The following SLC25A48 variants were observed in gnomAD, a reference collection of about 807,000 sequenced individuals.
SLC25A48 encodes solute carrier family 25 member 48, also known as CTC-321K16.1.
Under a neutral mutation model 32.2 loss-of-function variants are expected in SLC25A48, and 29 were observed. That is an observed-to-expected ratio of 0.90 (90% confidence interval 0.67 to 1.23). The LOEUF (loss-of-function observed/expected upper bound fraction) is 1.23. Ranked by LOEUF, SLC25A48 falls within the 50% of genes most tolerant of loss-of-function variation. The pLI is 0.00. For synonymous variants in SLC25A48, 164 were observed against 172.3 expected, an observed-to-expected ratio of 0.95 and a Z score of 0.38; for missense variants, 399 against 422.7, an observed-to-expected ratio of 0.94 and a Z score of 0.49.
intron 6 of SLC25A48, among the ~76,000 whole-genome samples, chr5:135,877,758 T>C (rs1209991624): frequency 6.6e-6 from 1 of 151,904 alleles, no homozygotes. Flanking sequence ...GAGAACAGTG[T>C]GAGGAGTGCT....
chr5:135,855,171 G>A (rs886687985), intron 4 of SLC25A48, among the ~76,000 whole-genome samples: 1 of 152,172 alleles, frequency 6.6e-6, no homozygotes, highest in Non-Finnish European at 1.5e-5. Context: ...AAAATATTGT[G>A]AGAATTATGA....
At chr5:135,881,540 A>T (rs568795910) in intron 7 of SLC25A48, among the ~76,000 whole-genome samples, 1 of 152,250 alleles carries the variant, frequency 6.6e-6, no homozygotes, top group Non-Finnish European at 1.5e-5. Context: ...GGGTAGCAAC[A>T]CAGTTTACAT....
chr5:135,641,513 A>AT (rs1752837217), intron 3 of SLC25A48, among the ~76,000 whole-genome samples: 1 of 170 alleles, frequency 5.9e-3, no homozygotes, highest in African/African-American at 0.028. Context: ...GAAGAACAAC[A>AT]TAGGCTCCCA....
chr5:135,672,832 T>C lies in SLC25A48; in HGVS notation c.-521+37876T>C, dbSNP rs151095729. Among the ~76,000 whole-genome samples the C allele has an allele frequency of 1.6e-4, 24 of 152,280 alleles. No homozygotes were observed. The East Asian group carries it at 4.4e-3, about 28-fold the overall frequency. On this transcript the variant is annotated intron_variant, in intron 3 of 10. Coordinates refer to the SLC25A48 transcript ENST00000646290. ...ACAATCAAGATTATAAATGTATCCA[T>C]CACTCCTAACAGATTGCTCAGGCCC...
chr5:135,868,293 C>A (rs553427663), intron 4 of SLC25A48, among the ~76,000 whole-genome samples: 1 of 152,212 alleles, frequency 6.6e-6, no homozygotes, highest in East Asian at 1.9e-4. Context: ...AACCCCGAAT[C>A]AGGAAAGCTC....
chr5:135,852,850 G>A, intron 4 of SLC25A48, 29 bp downstream of exon 4: 1 of 1,585,166 alleles, frequency 6.3e-7, no homozygotes, highest in Non-Finnish European at 8.6e-7. Context: ...GGAGGCTGGT[G>A]TCTGGGACTT....
At chr5:135,624,603 A>G (rs997303567) in intron 1 of SLC25A48, among the ~76,000 whole-genome samples, 1 of 152,234 alleles carries the variant, frequency 6.6e-6, no homozygotes, top group Admixed American at 6.5e-5. Flanking sequence ...TTGTAAAATG[A>G]ATATGCCTTC....
At chr5:135,689,555 GTAA>G (rs945997847) in intron 3 of SLC25A48, among the ~76,000 whole-genome samples, 12 of 152,188 alleles carry the variant, frequency 7.9e-5, no homozygotes, top group Non-Finnish European at 1.5e-4. Context: ...GAGTCCTACA[GTAA>G]TAGAGGTGCC....
chr5:135,606,765 C>T (rs866286712), intron 1 of SLC25A48, among the ~76,000 whole-genome samples: 3 of 152,198 alleles, frequency 2.0e-5, no homozygotes. Flanking sequence ...CTAGAGGTGT[C>T]TTTGTATCTG....
At chr5:135,821,444 G>C (rs1424905725) in intron 4 of SLC25A48, among the ~76,000 whole-genome samples, 1 of 152,198 alleles carries the variant, frequency 6.6e-6, no homozygotes, top group Non-Finnish European at 1.5e-5. Flanking sequence ...GGCCCATGCA[G>C]CTCACTCCAG....
intron 3 of SLC25A48, among the ~76,000 whole-genome samples, chr5:135,777,968 C>T (rs563611188): frequency 2.4e-4 from 37 of 151,874 alleles, no homozygotes; most frequent in Non-Finnish European, 4.7e-4. Context: ...ATATTACTGC[C>T]AATATCGCAA....
chr5:135,717,607 A>C (rs1256437226), intron 3 of SLC25A48, among the ~76,000 whole-genome samples: 1 of 152,214 alleles, frequency 6.6e-6, no homozygotes, highest in Non-Finnish European at 1.5e-5. Context: ...AGGGAGACTC[A>C]AACATGGCTA....
intron 1 of SLC25A48, among the ~76,000 whole-genome samples, chr5:135,603,363 A>C (rs569120589): frequency 6.6e-6 from 1 of 152,380 alleles, no homozygotes; most frequent in African/African-American, 2.4e-5. Flanking sequence ...ATGAGGTTGA[A>C]GGTAAATGAC....
chr5:135,752,843 A>C (rs1021122535), intron 3 of SLC25A48, among the ~76,000 whole-genome samples: 1 of 152,058 alleles, frequency 6.6e-6, no homozygotes, highest in South Asian at 2.1e-4. Flanking sequence ...GATATGGATA[A>C]TATTACATGG....
At chr5:135,879,583 GGAGAGA>G (rs371969525) in intron 6 of SLC25A48, among the ~76,000 whole-genome samples, 97 of 143,496 alleles carry the variant, frequency 6.8e-4, no homozygotes, top group African/African-American at 1.1e-3. Context: ...AGATTCCCGA[GGAGAGA>G]GAGAGAGAGA....
intron 1 of SLC25A48, among the ~76,000 whole-genome samples, chr5:135,596,773 A>G (rs1751662043): frequency 6.6e-6 from 1 of 152,098 alleles, no homozygotes; most frequent in Non-Finnish European, 1.5e-5. Flanking sequence ...CATTAGATTG[A>G]CCTTCCTGAG....
intron 3 of SLC25A48, among the ~76,000 whole-genome samples, chr5:135,666,201 T>C (rs949616824): frequency 1.3e-5 from 2 of 152,160 alleles, no homozygotes; most frequent in African/African-American, 2.4e-5. Context: ...TAACTTCACG[T>C]CTCAGTGTCC....
chr5:135,862,037 T>A (rs1208327599), intron 4 of SLC25A48, among the ~76,000 whole-genome samples: 1 of 152,260 alleles, frequency 6.6e-6, no homozygotes, highest in Admixed American at 6.5e-5. Context: ...GAAAAAACCC[T>A]TCCTTTTAAA....
intron 2 of SLC25A48, among the ~76,000 whole-genome samples, chr5:135,846,285 C>T (rs13175477): frequency 4.6e-5 from 7 of 152,166 alleles, no homozygotes; most frequent in Non-Finnish European, 7.4e-5. Context: ...TGTTGGGGAT[C>T]ACTCTTGTAG....
Sources: allele counts gnomAD v4.1 joint callset (sites outside exome capture counted in the v4.1 genomes callset), GRCh38; gene constraint gnomAD v4.1.1; transcripts MANE v1.5; gene names NCBI Gene and HGNC (gene_info 2026-07-23, HGNC 2026-07-21).